The following ARHGEF28 variants were observed in gnomAD, a reference collection of about 807,000 sequenced individuals.
ARHGEF28 encodes the protein Rho guanine nucleotide exchange factor 28.
Under a neutral mutation model 206.6 loss-of-function variants are expected in ARHGEF28, and 152 were observed. The ratio of observed to expected loss-of-function variants is 0.74; its 90% CI spans 0.64 to 0.84. The LOEUF is 0.84. Among genes scored for constraint, ARHGEF28 ranks in the 40% least tolerant of loss-of-function variants. The pLI, the probability that ARHGEF28 is intolerant of heterozygous loss-of-function variation, is 0.00. For missense variants in ARHGEF28, 2,028 were observed against 2,073.2 expected (o/e 0.98, Z 0.42); for synonymous variants, 763 against 776.4 (o/e 0.98, Z 0.29).
In ARHGEF28 at chr5:73,894,456, CT is replaced by C. The variant is rs748301652; in HGVS notation, c.3723del (p.Glu1242AsnfsTer5). 3.1e-5 allele frequency: 50 copies of C among 1,613,758 alleles called. 1 individual carries two copies. The South Asian group carries it at 5.2e-4, about 17-fold the overall frequency. Reference protein sequence around the residue: ...AYLEEKLHIYAELGELSGFED... With the variant: ...AYLEEKLHIYXELGELSGFED... ...TTGGAGGAGAAGCTGCATATCTATGCTGAACTTGGAGAACTGAGCGGATTTG... is the reference window on the plus strand; with the variant it reads ...TTGGAGGAGAAGCTGCATATCTATGCGAACTTGGAGAACTGAGCGGATTTG... On this transcript the variant is annotated frameshift_variant, in exon 29 of 36. Transcript: ENST00000513042. LOFTEE classifies it high-confidence loss of function.
intron 1 of ARHGEF28, among the ~76,000 whole-genome samples, chr5:73,668,284 A>G (rs1746094212): frequency 1.3e-5 from 2 of 152,226 alleles, no homozygotes; most frequent in Non-Finnish European, 1.5e-5. Context: ...GTAGCAGAAT[A>G]ACACAGATTG....
intron 16 of ARHGEF28, among the ~76,000 whole-genome samples, chr5:73,860,584 T>G (rs780677821): frequency 2.6e-5 from 4 of 152,204 alleles, no homozygotes; most frequent in Non-Finnish European, 5.9e-5. Flanking sequence ...GTCACTCTTT[T>G]CTTTCCCTTC....
chr5:73,755,832 C>G (rs553406815), intron 4 of ARHGEF28, among the ~76,000 whole-genome samples: 1 of 152,240 alleles, frequency 6.6e-6, no homozygotes, highest in South Asian at 2.1e-4. Context: ...GTTTGCCAGG[C>G]TTTTAGCTGT....
chr5:73,667,236 C>T (rs1437814756), intron 1 of ARHGEF28, among the ~76,000 whole-genome samples: 1 of 152,132 alleles, frequency 6.6e-6, no homozygotes, highest in Non-Finnish European at 1.5e-5. Context: ...ACTTTGGGGT[C>T]CCCTTTGCCA....
At position 73,911,453 on chromosome 5, in the gene ARHGEF28, A is replaced by T; in HGVS notation, c.4826A>T (p.Gln1609Leu). ...HSDLVRTSEH[Q>L]VDLKVDPSQP... ...GACTTGGTGAGGACTAGTGAACATC[A>T]AGTAGACCTCAAGGTGGACCCTTCT... Residue 1609 changes from glutamine to leucine, a missense_variant, in exon 35 of 36, where the codon CAA becomes CTA. Gln to Leu is a moderately radical substitution (Grantham distance 113). Transcript: ENST00000513042. 1 of 1,614,018 alleles carries T rather than the reference A, an allele frequency of 6.2e-7. No individual in the cohort carries two copies. Among genetic ancestry groups the T allele is most frequent in the Non-Finnish European group, 8.5e-7 (1 of 1,179,886 alleles).
chr5:73,704,246 T>C (rs2112293501), intron 2 of ARHGEF28, among the ~76,000 whole-genome samples: 1 of 152,146 alleles, frequency 6.6e-6, no homozygotes, highest in Non-Finnish European at 1.5e-5. Flanking sequence ...TCAGTGAATT[T>C]TCTAAAATAA....
chr5:73,735,379 A>G (rs1259774515), intron 2 of ARHGEF28, among the ~76,000 whole-genome samples: 1 of 152,094 alleles, frequency 6.6e-6, no homozygotes, highest in Non-Finnish European at 1.5e-5. Context: ...CTGTTTTACA[A>G]TTTAGTAGCA....
At chr5:73,779,558 CG>C (rs555608133) in intron 6 of ARHGEF28, among the ~76,000 whole-genome samples, 4 of 152,214 alleles carry the variant, frequency 2.6e-5, no homozygotes, top group East Asian at 3.9e-4. Flanking sequence ...CATTGAAAGA[CG>C]GGGGGTCAGG....
chr5:73,902,201 T>A (rs1303852517), intron 31 of ARHGEF28: 1 of 152,104 alleles, frequency 6.6e-6, no homozygotes, highest in Non-Finnish European at 1.5e-5. Flanking sequence ...TGTGACTGAG[T>A]GTTCTTTTTT....
chr5:73,914,398 T>C (rs1408492858), intron 35 of ARHGEF28, among the ~76,000 whole-genome samples: 1 of 147,298 alleles, frequency 6.8e-6, no homozygotes, highest in Non-Finnish European at 1.5e-5. Flanking sequence ...TTGCTTTTTT[T>C]TTTTTTTTTT....
intron 2 of ARHGEF28, among the ~76,000 whole-genome samples, chr5:73,702,542 T>A (rs535482457): frequency 1.2e-4 from 18 of 152,216 alleles, no homozygotes; most frequent in Non-Finnish European, 2.5e-4. Context: ...GCTTTCAATT[T>A]TTTAGGTATA....
intron 1 of ARHGEF28, among the ~76,000 whole-genome samples, chr5:73,677,683 A>C (rs1206313564): frequency 6.6e-6 from 1 of 152,262 alleles, no homozygotes; most frequent in Non-Finnish European, 1.5e-5. Context: ...AGTCTATAAT[A>C]CTGTATCTTG....
At chr5:73,841,712 G>GAAAAAAAAAAAAAAAGAGAAAAAAAAA (rs1757998697) in intron 11 of ARHGEF28, among the ~76,000 whole-genome samples, 2 of 110,830 alleles carry the variant, frequency 1.8e-5, no homozygotes, top group Non-Finnish European at 3.6e-5. Context: ...TCAAAAAGAA[G>GAAAAAAAAAAAAAAAGAGAAAAAAAAA]AAAAAAAAAA....
intron 4 of ARHGEF28, among the ~76,000 whole-genome samples, chr5:73,768,273 C>A (rs1753020426): frequency 6.6e-6 from 1 of 152,168 alleles, no homozygotes; most frequent in South Asian, 2.1e-4. Flanking sequence ...GGGCCACAAT[C>A]TTCCAGACCC....
At chr5:73,824,937 T>C (rs756512385) in intron 9 of ARHGEF28, among the ~76,000 whole-genome samples, 2 of 152,090 alleles carry the variant, frequency 1.3e-5, no homozygotes, top group African/African-American at 2.4e-5. Flanking sequence ...CATCACAACG[T>C]GTAGCAAGGA....
intron 7 of ARHGEF28, among the ~76,000 whole-genome samples, chr5:73,788,717 CA>C (rs1754299694): frequency 6.6e-6 from 1 of 151,942 alleles, no homozygotes; most frequent in Non-Finnish European, 1.5e-5. Flanking sequence ...ATCAAATTGT[CA>C]AAAAATCTCC....
chr5:73,796,477 TG>T (rs1754825015), intron 9 of ARHGEF28, among the ~76,000 whole-genome samples: 2 of 152,204 alleles, frequency 1.3e-5, no homozygotes, highest in Non-Finnish European at 2.9e-5. Flanking sequence ...TACACGTGCA[TG>T]GGGCTCCCTG....
chr5:73,786,881 C>T (rs994576811), intron 7 of ARHGEF28, among the ~76,000 whole-genome samples: 33 of 152,176 alleles, frequency 2.2e-4, no homozygotes, highest in African/African-American at 8.0e-4. Context: ...CCCAGCCATT[C>T]GTGTCGTGGT....
intron 1 of ARHGEF28, among the ~76,000 whole-genome samples, chr5:73,669,092 A>G (rs1489243076): frequency 6.6e-6 from 1 of 152,142 alleles, no homozygotes. Flanking sequence ...TACCTTGTTC[A>G]TTAGCTATAT....
Sources: allele counts gnomAD v4.1 joint callset (sites outside exome capture counted in the v4.1 genomes callset), GRCh38; gene constraint gnomAD v4.1.1; transcripts MANE v1.5; gene names NCBI Gene and HGNC (gene_info 2026-07-23, HGNC 2026-07-21).